Variants in COL25A1 observed in about 807,000 individuals in gnomAD.
COL25A1 encodes collagen type XXV alpha 1 chain, also known as collagen alpha-1(XXV) chain.
COL25A1 carries 103 observed loss-of-function variants against 128.4 expected under a neutral mutation model. That is an observed-to-expected ratio of 0.80 (90% CI 0.68 to 0.94). COL25A1 has a LOEUF of 0.94. Ranked by LOEUF, COL25A1 falls within the 40% of genes least tolerant of loss-of-function variation. The probability of loss-of-function intolerance (pLI) is 0.00; values close to 1 mark genes in which losing one functional copy is unlikely to be tolerated. For missense variants in COL25A1, 745 were observed against 840.0 expected (o/e 0.89, Z 1.40); for synonymous variants, 279 against 277.2 (o/e 1.01, Z -0.06).
At chr4:109,167,135 G>T (rs908468925) in intron 3 of COL25A1, among the ~76,000 whole-genome samples, 1 of 152,090 alleles carries the variant, frequency 6.6e-6, no homozygotes, top group Non-Finnish European at 1.5e-5. Flanking sequence ...GTTCGTGAGG[G>T]TATTAAATAA....
chr4:109,225,998 C>CACAT (rs768658360), intron 3 of COL25A1, among the ~76,000 whole-genome samples: 3 of 49,980 alleles, frequency 6.0e-5, no homozygotes, highest in Admixed American at 2.2e-4. Flanking sequence ...ATTTGTAATA[C>CACAT]ACACACACAC....
At position 109,207,231 on chromosome 4, in the gene COL25A1, T is replaced by C. The variant is rs114042461; in HGVS notation, c.367+93352A>G. On this transcript the variant is annotated intron_variant, in intron 3 of 37. Transcript: ENST00000399132. ...AGCTGCCAAACAAAGAAATAAGGAG[T>C]GTGCCAGCTGCCTCTGTACCTCACT... 9.3e-3 allele frequency among the ~76,000 whole-genome samples: 1,416 copies of C among 152,086 alleles called. 6 individuals are homozygous for C. Among genetic ancestry groups the C allele is most frequent in the Non-Finnish European group, 0.015 (1,017 of 67,986 alleles).
At chr4:109,031,523 G>C (rs933904736) in intron 5 of COL25A1, among the ~76,000 whole-genome samples, 2 of 152,178 alleles carry the variant, frequency 1.3e-5, no homozygotes, top group East Asian at 3.8e-4. Context: ...AAAACCTTAA[G>C]GATGCCAGCA....
chr4:108,838,778 T>C lies in COL25A1; in HGVS notation c.1656+2917A>G, dbSNP rs190719091. Among the ~76,000 whole-genome samples the C allele has an allele frequency of 2.6e-5, 4 of 152,292 alleles. No homozygotes were observed. The East Asian group carries it at 7.7e-4, about 29-fold the overall frequency. On this transcript the variant is annotated intron_variant, in intron 31 of 37. Coordinates refer to ENST00000399132, the MANE Select transcript of COL25A1 (RefSeq NM_198721.4). ...AAATATGAAGATCAAAGAACTTAGA[T>C]GTAGTTTTACTAACTATCCATCTGC...
At chr4:109,212,586 T>G (rs990635816) in intron 3 of COL25A1, among the ~76,000 whole-genome samples, 1 of 152,088 alleles carries the variant, frequency 6.6e-6, no homozygotes, top group African/African-American at 2.4e-5. Context: ...TTTCATGATA[T>G]GAAGACAGTA....
chr4:108,993,016 A>G (rs1208910458), intron 6 of COL25A1, among the ~76,000 whole-genome samples: 1 of 152,190 alleles, frequency 6.6e-6, no homozygotes, highest in Non-Finnish European at 1.5e-5. Context: ...GCATTACCTG[A>G]CATGGTTATC....
intron 3 of COL25A1, among the ~76,000 whole-genome samples, chr4:109,270,903 T>C (rs1262754293): frequency 6.6e-6 from 1 of 152,210 alleles, no homozygotes; most frequent in Non-Finnish European, 1.5e-5. Flanking sequence ...TCCCCTCCTA[T>C]GGGCCAGCAT....
chr4:108,940,116 G>A (rs748469104), intron 10 of COL25A1, among the ~76,000 whole-genome samples: 3 of 152,058 alleles, frequency 2.0e-5, no homozygotes, highest in Non-Finnish European at 4.4e-5. Flanking sequence ...TTGAAACTTT[G>A]GAAAATGTTA....
intron 3 of COL25A1, among the ~76,000 whole-genome samples, chr4:109,110,161 T>A (rs1323683822): frequency 6.6e-6 from 1 of 152,148 alleles, no homozygotes; most frequent in Non-Finnish European, 1.5e-5. Context: ...AGAGCAAATA[T>A]GGTTTCTTCT....
At chr4:108,916,967 A>T (rs1041172330) in intron 13 of COL25A1, among the ~76,000 whole-genome samples, 2 of 152,112 alleles carry the variant, frequency 1.3e-5, no homozygotes, top group Non-Finnish European at 2.9e-5. Flanking sequence ...AGATTAACTG[A>T]ATTTTTGGAA....
intron 34 of COL25A1, 121 bp downstream of exon 34, chr4:108,825,075 A>G (rs1732205856): frequency 2.8e-6 from 2 of 704,702 alleles, no homozygotes; most frequent in Non-Finnish European, 4.8e-6. Context: ...CATGCACAGC[A>G]ATATATGTTC....
intron 29 of COL25A1, among the ~76,000 whole-genome samples, chr4:108,844,802 A>C (rs896620795): frequency 2.0e-5 from 3 of 152,236 alleles, no homozygotes; most frequent in Admixed American, 6.5e-5. Context: ...CTATGTTAAA[A>C]GAAAAGGAAG....
At chr4:108,896,135 G>T (rs1742106477) in intron 16 of COL25A1, among the ~76,000 whole-genome samples, 1 of 150,860 alleles carries the variant, frequency 6.6e-6, no homozygotes, top group African/African-American at 2.4e-5. Context: ...TTTTTAGTAG[G>T]GACGGGGTTT....
intron 14 of COL25A1, among the ~76,000 whole-genome samples, chr4:108,899,613 C>T (rs576953504): frequency 1.3e-5 from 2 of 152,152 alleles, no homozygotes; most frequent in East Asian, 1.9e-4. Flanking sequence ...TAGATCATTT[C>T]CAGGGTCTAG....
chr4:108,888,038 A>G (rs1741031231), intron 18 of COL25A1, among the ~76,000 whole-genome samples: 1 of 152,174 alleles, frequency 6.6e-6, no homozygotes, highest in African/African-American at 2.4e-5. Flanking sequence ...TATAAAATAA[A>G]TAGTAAATTT....
At chr4:108,823,372 G>A (rs1578453139) in intron 35 of COL25A1, among the ~76,000 whole-genome samples, 2 of 151,922 alleles carry the variant, frequency 1.3e-5, no homozygotes, top group African/African-American at 4.8e-5. Flanking sequence ...GGGGTGGTAG[G>A]GGAAGACAGA....
intron 5 of COL25A1, among the ~76,000 whole-genome samples, chr4:109,014,178 G>A (rs931600644): frequency 1.3e-5 from 2 of 152,028 alleles, no homozygotes; most frequent in East Asian, 1.9e-4. Flanking sequence ...GTGGTGGCAC[G>A]CACCTGTAAT....
chr4:109,178,261 A>G (rs1774279036), intron 3 of COL25A1, among the ~76,000 whole-genome samples: 1 of 152,218 alleles, frequency 6.6e-6, no homozygotes, highest in South Asian at 2.1e-4. Context: ...AAAATGCTAA[A>G]AACATTTTCA....
chr4:108,938,586 T>C (rs897295205), intron 10 of COL25A1, among the ~76,000 whole-genome samples: 10 of 152,096 alleles, frequency 6.6e-5, no homozygotes, highest in African/African-American at 2.4e-4. Context: ...AAAGACCTCA[T>C]TGCACACAAA....
Sources: allele counts gnomAD v4.1 joint callset (sites outside exome capture counted in the v4.1 genomes callset), GRCh38; gene constraint gnomAD v4.1.1; transcripts MANE v1.5; gene names NCBI Gene and HGNC (gene_info 2026-07-23, HGNC 2026-07-21).